Variants in KLHL1 observed in about 807,000 individuals in gnomAD.
KLHL1 encodes kelch like family member 1, also known as kelch-like protein 1.
A neutral mutation model predicts 77.7 loss-of-function variants in KLHL1; 47 were observed. The ratio of observed to expected loss-of-function variants is 0.60; its 90% CI spans 0.48 to 0.77. KLHL1 has a LOEUF of 0.77. Ranked by LOEUF, KLHL1 falls within the 30% of genes least tolerant of loss-of-function variation. KLHL1 has a pLI of 0.00. For synonymous variants in KLHL1, 360 were observed against 325.2 expected, an observed-to-expected ratio of 1.11 and a Z score of -1.15; for missense variants, 925 against 910.8, an observed-to-expected ratio of 1.02 and a Z score of -0.20.
chr13:70,020,396 C>T (rs1885759472), intron 1 of KLHL1, among the ~76,000 whole-genome samples: 1 of 152,040 alleles, frequency 6.6e-6, no homozygotes, highest in Non-Finnish European at 1.5e-5. Context: ...CTTCTTCTGC[C>T]ACTTCATATA....
At chr13:69,855,864 AT>A (rs71216506) in intron 5 of KLHL1, among the ~76,000 whole-genome samples, 18 of 95,966 alleles carry the variant, frequency 1.9e-4, no homozygotes, top group Admixed American at 9.9e-4. Flanking sequence ...TATATAATAT[AT>A]TATATATTAT....
chr13:69,959,951 A>C (rs1884012839), intron 3 of KLHL1, among the ~76,000 whole-genome samples: 2 of 151,894 alleles, frequency 1.3e-5, no homozygotes. Context: ...TCTCTCTCCT[A>C]ATACAATATC....
intron 1 of KLHL1, among the ~76,000 whole-genome samples, chr13:70,073,243 T>A (rs1248476864): frequency 6.6e-6 from 1 of 151,966 alleles, no homozygotes; most frequent in Non-Finnish European, 1.5e-5. Flanking sequence ...AAAGGATGAG[T>A]TCATGTCCTT....
intron 4 of KLHL1, among the ~76,000 whole-genome samples, chr13:69,915,808 C>A (rs1434638449): frequency 6.6e-6 from 1 of 151,940 alleles, no homozygotes; most frequent in Non-Finnish European, 1.5e-5. Flanking sequence ...GAAAAGGCAA[C>A]CTACAAAATG....
chr13:69,793,718 G>C (rs1876974661), intron 7 of KLHL1, among the ~76,000 whole-genome samples: 1 of 151,968 alleles, frequency 6.6e-6, no homozygotes, highest in Admixed American at 6.6e-5. Flanking sequence ...TTTAGTTTCT[G>C]AACGAGTAGA....
intron 2 of KLHL1, among the ~76,000 whole-genome samples, chr13:69,962,848 G>T (rs959914670): frequency 2.0e-5 from 3 of 151,946 alleles, no homozygotes; most frequent in Non-Finnish European, 2.9e-5. Context: ...TTAGAATAAA[G>T]CAATTACTTT....
At chr13:69,925,458 C>T (rs1198311529) in intron 4 of KLHL1, among the ~76,000 whole-genome samples, 1 of 151,694 alleles carries the variant, frequency 6.6e-6, no homozygotes, top group Non-Finnish European at 1.5e-5. Context: ...TTTTTCTTGC[C>T]CCTCTTTGTA....
chr13:69,908,314 G>A (rs1479630030), intron 4 of KLHL1, among the ~76,000 whole-genome samples: 1 of 151,262 alleles, frequency 6.6e-6, no homozygotes, highest in African/African-American at 2.4e-5. Context: ...CCGAGAAGAT[G>A]GGAAGATGCA....
intron 7 of KLHL1, among the ~76,000 whole-genome samples, chr13:69,768,870 C>G (rs75368703): frequency 0.011 from 1,598 of 152,120 alleles, 29 homozygotes; most frequent in African/African-American, 0.037. Context: ...TGGTTCTTAT[C>G]TTTACATGGA....
chr13:70,017,339 A>G (rs915531218), intron 1 of KLHL1, among the ~76,000 whole-genome samples: 11 of 152,192 alleles, frequency 7.2e-5, no homozygotes, highest in African/African-American at 1.9e-4. Flanking sequence ...GTGTCTCCCA[A>G]CTTCTGGAAG....
chr13:70,068,443 A>T (rs1229118114), intron 1 of KLHL1, among the ~76,000 whole-genome samples: 1 of 152,272 alleles, frequency 6.6e-6, no homozygotes, highest in Non-Finnish European at 1.5e-5. Flanking sequence ...TAGGACCTGT[A>T]TACAATTTAT....
chr13:70,072,121 A>T (rs1887151778), intron 1 of KLHL1, among the ~76,000 whole-genome samples: 1 of 152,094 alleles, frequency 6.6e-6, no homozygotes, highest in African/African-American at 2.4e-5. Context: ...AGGGGCCATC[A>T]CTATTGATCC....
chr13:70,068,703 T>G (rs887012871), intron 1 of KLHL1, among the ~76,000 whole-genome samples: 1 of 152,350 alleles, frequency 6.6e-6, no homozygotes. Context: ...TCTGATATGT[T>G]AGTTTAGTAA....
intron 1 of KLHL1, among the ~76,000 whole-genome samples, chr13:69,984,979 C>T (rs528529974): frequency 1.2e-3 from 188 of 152,066 alleles, no homozygotes; most frequent in South Asian, 5.8e-3. Flanking sequence ...GGCATGGTGG[C>T]GGGCGCCTGT....
intron 4 of KLHL1, among the ~76,000 whole-genome samples, chr13:69,930,034 T>A (rs2138279854): frequency 6.6e-6 from 1 of 151,982 alleles, no homozygotes; most frequent in South Asian, 2.1e-4. Context: ...ATCAGAAAAA[T>A]TATTTATTTT....
In KLHL1 at chr13:69,961,325, A is replaced by G. The variant is rs756052617; in HGVS notation, c.800T>C (p.Val267Ala). The change falls in exon 3 of 11, where the codon GTC becomes GCC. Residue 267 changes from valine to alanine, a missense_variant. By Grantham distance (64) the Val-to-Ala change is moderately conservative. Coordinates refer to ENST00000377844, the MANE Select transcript of KLHL1 (RefSeq NM_020866.3). ...GIDPNALWDL[V>A]QFAYTGCLEL... Reference sequence around the variant, plus strand: ...TGCCATACCTGTATATGCAAATTGGACAAGGTCCCAGAGAGCATTGGGGTC... The same window carrying G: ...TGCCATACCTGTATATGCAAATTGGGCAAGGTCCCAGAGAGCATTGGGGTC... 100 of 1,611,978 alleles carry G rather than the reference A, an allele frequency of 6.2e-5. No individual in the cohort carries two copies. The highest frequency in any genetic ancestry group is 8.1e-5 in the Non-Finnish European group (96 of 1,178,682).
chr13:69,740,100 G>C (rs1269125620), intron 8 of KLHL1, among the ~76,000 whole-genome samples: 1 of 152,068 alleles, frequency 6.6e-6, no homozygotes, highest in African/African-American at 2.4e-5. Context: ...AAGATATATT[G>C]AACACCAAAC....
At chr13:69,858,205 C>A (rs1188425226) in intron 5 of KLHL1, among the ~76,000 whole-genome samples, 1 of 152,032 alleles carries the variant, frequency 6.6e-6, no homozygotes, top group Non-Finnish European at 1.5e-5. Context: ...AGAAAAACAT[C>A]TCCATCCACT....
chr13:69,923,494 A>G (rs886752973), intron 4 of KLHL1, among the ~76,000 whole-genome samples: 5 of 152,202 alleles, frequency 3.3e-5, no homozygotes, highest in Admixed American at 1.3e-4. Flanking sequence ...CAATCAAAAA[A>G]TTACATTCTT....
Sources: allele counts gnomAD v4.1 joint callset (sites outside exome capture counted in the v4.1 genomes callset), GRCh38; gene constraint gnomAD v4.1.1; transcripts MANE v1.5; gene names NCBI Gene and HGNC (gene_info 2026-07-23, HGNC 2026-07-21).